Variants in TRIM44 observed in about 807,000 individuals in gnomAD.
TRIM44 encodes tripartite motif containing 44.
A neutral mutation model predicts 37.4 loss-of-function variants in TRIM44; 13 were observed. The ratio of observed to expected loss-of-function variants is 0.35; its 90% CI spans 0.23 to 0.55. The LOEUF is 0.55. Ranked by LOEUF, TRIM44 falls within the 20% of genes least tolerant of loss-of-function variation. The pLI, the probability that TRIM44 is intolerant of heterozygous loss-of-function variation, is 0.89. For missense variants in TRIM44, 426 were observed against 437.2 expected, an observed-to-expected ratio of 0.97 and a Z score of 0.23; for synonymous variants, 175 against 157.2, an observed-to-expected ratio of 1.11 and a Z score of -0.85.
At chr11:35,757,623 C>T (rs190831001) in intron 4 of TRIM44, among the ~76,000 whole-genome samples, 40 of 152,280 alleles carry the variant, frequency 2.6e-4, no homozygotes, top group African/African-American at 9.6e-4. Flanking sequence ...TCTGCTTTCT[C>T]TTGTGGGCAT....
At chr11:35,705,331 C>A (rs2135503758) in intron 2 of TRIM44, among the ~76,000 whole-genome samples, 1 of 152,308 alleles carries the variant, frequency 6.6e-6, no homozygotes, top group Middle Eastern at 3.4e-3. Flanking sequence ...TAACACCCCA[C>A]TGTCAACATT....
intron 4 of TRIM44, among the ~76,000 whole-genome samples, chr11:35,772,091 C>G (rs1161267350): frequency 1.3e-5 from 2 of 152,220 alleles, no homozygotes; most frequent in African/African-American, 2.4e-5. Context: ...GAGCTCGGGC[C>G]TTGGCTTCAG....
intron 4 of TRIM44, among the ~76,000 whole-genome samples, chr11:35,751,250 C>T (rs1050411503): frequency 6.6e-6 from 1 of 152,182 alleles, no homozygotes; most frequent in African/African-American, 2.4e-5. Flanking sequence ...TTGATAGTGC[C>T]TCTTACATCT....
At chr11:35,696,136 ATT>A (rs1197445648) in intron 2 of TRIM44, among the ~76,000 whole-genome samples, 9 of 138,226 alleles carry the variant, frequency 6.5e-5, no homozygotes, top group Admixed American at 7.2e-5. Context: ...GATGAGTCAA[ATT>A]TTTTTTTTTT....
chr11:35,700,723 T>C (rs1851776916), intron 2 of TRIM44, among the ~76,000 whole-genome samples: 1 of 152,214 alleles, frequency 6.6e-6, no homozygotes, highest in Non-Finnish European at 1.5e-5. Context: ...CTTTATAACC[T>C]TCTTTGCATA....
At chr11:35,700,060 A>G (rs1851764611) in intron 2 of TRIM44, among the ~76,000 whole-genome samples, 1 of 152,220 alleles carries the variant, frequency 6.6e-6, no homozygotes, top group African/African-American at 2.4e-5. Context: ...ATCCCCATGA[A>G]GCTACCAATG....
chr11:35,792,775 A>G (rs1157316018), intron 4 of TRIM44, among the ~76,000 whole-genome samples: 1 of 152,220 alleles, frequency 6.6e-6, no homozygotes, highest in East Asian at 1.9e-4. Flanking sequence ...AGGTGCACTG[A>G]AGCCCTGAAC....
At chr11:35,704,694 T>C (rs984647235) in intron 2 of TRIM44, among the ~76,000 whole-genome samples, 1 of 152,266 alleles carries the variant, frequency 6.6e-6, no homozygotes, top group East Asian at 1.9e-4. Flanking sequence ...TAAAATACTT[T>C]ACAGACAAGC....
intron 4 of TRIM44, among the ~76,000 whole-genome samples, chr11:35,752,047 C>G (rs1440630758): frequency 6.6e-6 from 1 of 152,164 alleles, no homozygotes; most frequent in East Asian, 1.9e-4. Flanking sequence ...AAACATAACT[C>G]TTGTTTTCTC....
chr11:35,760,815 CTT>C (rs1461188096), intron 4 of TRIM44, among the ~76,000 whole-genome samples: 4 of 152,278 alleles, frequency 2.6e-5, no homozygotes, highest in African/African-American at 7.2e-5. Context: ...AATGTCCTCT[CTT>C]AACATTTTTC....
intron 4 of TRIM44, 66 bp downstream of exon 4, chr11:35,735,511 T>A (rs1298130589): frequency 8.6e-6 from 13 of 1,518,238 alleles, no homozygotes; most frequent in Non-Finnish European, 1.1e-5. Context: ...GGCCTTTTAG[T>A]GCTCCATGAA....
chr11:35,710,010 G>T (rs1248206805), intron 2 of TRIM44, among the ~76,000 whole-genome samples: 3 of 152,186 alleles, frequency 2.0e-5, no homozygotes, highest in Non-Finnish European at 4.4e-5. Flanking sequence ...TACAGAAACA[G>T]CTGGATTCAT....
intron 1 of TRIM44, among the ~76,000 whole-genome samples, chr11:35,681,952 CTTTTTTTTT>C (rs35760830): frequency 1.6e-4 from 16 of 101,370 alleles, no homozygotes; most frequent in African/African-American, 2.7e-4. Context: ...ATGTCCCATA[CTTTTTTTTT>C]TTTTTTTTTT....
chr11:35,768,329 CT>C (rs1283250913), intron 4 of TRIM44, among the ~76,000 whole-genome samples: 1 of 152,204 alleles, frequency 6.6e-6, no homozygotes, highest in Non-Finnish European at 1.5e-5. Flanking sequence ...ATTATTCTCA[CT>C]TTGAAAATAA....
intron 4 of TRIM44, among the ~76,000 whole-genome samples, chr11:35,783,744 C>A (rs939004698): frequency 6.6e-6 from 1 of 152,118 alleles, no homozygotes; most frequent in African/African-American, 2.4e-5. Flanking sequence ...CTAGCCCCTT[C>A]CTGGAAGGGC....
chr11:35,750,183 G>A (rs989019114), intron 4 of TRIM44, among the ~76,000 whole-genome samples: 1 of 152,160 alleles, frequency 6.6e-6, no homozygotes, highest in Non-Finnish European at 1.5e-5. Flanking sequence ...CTATGTGCTA[G>A]GTAGTGCTAG....
chr11:35,803,387 G>A (rs1853395964), intron 4 of TRIM44, among the ~76,000 whole-genome samples: 1 of 152,120 alleles, frequency 6.6e-6, no homozygotes, highest in African/African-American at 2.4e-5. Context: ...GAGGTAGAAG[G>A]CTGTATTACT....
At chr11:35,754,695 C>T (rs1243743712) in intron 4 of TRIM44, among the ~76,000 whole-genome samples, 1 of 147,338 alleles carries the variant, frequency 6.8e-6, no homozygotes, top group Non-Finnish European at 1.5e-5. Flanking sequence ...TGATGGTCCC[C>T]TTCCTGTGTC....
At chr11:35,719,748 T>A (rs771486313) in intron 2 of TRIM44, among the ~76,000 whole-genome samples, 1 of 152,160 alleles carries the variant, frequency 6.6e-6, no homozygotes, top group African/African-American at 2.4e-5. Flanking sequence ...TGTGTCTAGA[T>A]TATTATTATT....
Sources: allele counts gnomAD v4.1 joint callset (sites outside exome capture counted in the v4.1 genomes callset), GRCh38; gene constraint gnomAD v4.1.1; transcripts MANE v1.5; gene names NCBI Gene and HGNC (gene_info 2026-07-23, HGNC 2026-07-21).